NBEAL1: variants seen among roughly 807,000 people sequenced by gnomAD.
NBEAL1 encodes neurobeachin-like protein 1.
A neutral mutation model predicts 351.3 loss-of-function variants in NBEAL1; 273 were observed. That is an observed-to-expected ratio of 0.78 (90% CI 0.70 to 0.86). NBEAL1 has a LOEUF of 0.86. Among genes scored for constraint, NBEAL1 ranks in the 40% least tolerant of loss-of-function variants. NBEAL1 has a pLI of 0.00. For missense variants in NBEAL1, 2,961 were observed against 3,201.3 expected (o/e 0.92, Z 1.81); for synonymous variants, 1,050 against 1,086.4 (o/e 0.97, Z 0.66).
chr2:203,115,247 A>T (rs772474010), intron 17 of NBEAL1, among the ~76,000 whole-genome samples: 34 of 150,408 alleles, frequency 2.3e-4, no homozygotes, highest in Non-Finnish European at 2.8e-4. Flanking sequence ...CCACCTTCCG[A>T]GTAGCTGGGA....
rs565221963 is a variant in NBEAL1, at chr2:203,215,737, A to G, written c.8071-1516A>G. 5.3e-5 allele frequency among the ~76,000 whole-genome samples: 8 copies of G among 151,810 alleles called. No homozygotes were observed. The South Asian group carries it at 1.7e-3, about 32-fold the overall frequency. ...CATTAAAAAAGGTGGCAAGCTGGGC[A>G]TGGTGACTCACTCCTGTAATCTCAG... On this transcript the variant is annotated intron_variant, in intron 55 of 55. Transcript: ENST00000683969.
chr2:203,180,743 T>G (rs1392042828), intron 43 of NBEAL1, among the ~76,000 whole-genome samples: 1 of 152,016 alleles, frequency 6.6e-6, no homozygotes, highest in East Asian at 1.9e-4. Flanking sequence ...TTTATCAGAC[T>G]ACAGTGTTTA....
chr2:203,196,973 G>A lies in NBEAL1; in HGVS notation c.7039-329G>A, dbSNP rs141618750. On this transcript the variant is annotated intron_variant, in intron 47 of 55. Transcript: ENST00000683969. Reference sequence around the variant, plus strand: ...TGAGAAACATGTTCTTATATGATCCGTATTTTCTACTTTATATGTATGTCA... The same window carrying A: ...TGAGAAACATGTTCTTATATGATCCATATTTTCTACTTTATATGTATGTCA... Among the ~76,000 whole-genome samples, 101 of 152,136 alleles carry A rather than the reference G, an allele frequency of 6.6e-4. No individual in the cohort carries two copies. The East Asian group carries it at 0.018, about 26-fold the overall frequency.
intron 38 of NBEAL1, 88 bp from the exon 39 acceptor site, chr2:203,169,659 T>C (rs577168533): frequency 6.0e-5 from 38 of 638,648 alleles, no homozygotes; most frequent in Middle Eastern, 5.5e-4. Flanking sequence ...AAAGGGTGAA[T>C]TGTCTCTCAA....
chr2:203,223,509 G>A lies in NBEAL1; in HGVS notation c.*6155G>A, dbSNP rs2065977600. Among the ~76,000 whole-genome samples the A allele has an allele frequency of 6.6e-6, 1 of 152,008 alleles. No homozygotes were observed. Among genetic ancestry groups the A allele is most frequent in the East Asian group, 1.9e-4 (1 of 5,200 alleles). On this transcript the variant is annotated 3_prime_UTR_variant, in exon 56 of 56. Transcript: ENST00000683969. ...ATAATTATTTTTCAGTGTACAGAGT[G>A]ATTAGCGGCTTGTAATGCTGTTACA...
At chr2:203,192,963 C>CTTTTT (rs71408917) in intron 46 of NBEAL1, among the ~76,000 whole-genome samples, 89 of 99,350 alleles carry the variant, frequency 9.0e-4, no homozygotes, top group African/African-American at 1.2e-3. Context: ...TTCTTTCTTT[C>CTTTTT]TTTTTTTTTT....
At chr2:203,156,184 C>T (rs1209348949) in intron 35 of NBEAL1, among the ~76,000 whole-genome samples, 1 of 152,172 alleles carries the variant, frequency 6.6e-6, no homozygotes, top group East Asian at 1.9e-4. Flanking sequence ...ATGAGTCTCT[C>T]CTCATATCTC....
intron 51 of NBEAL1, among the ~76,000 whole-genome samples, chr2:203,207,290 G>A (rs567318527): frequency 1.3e-5 from 2 of 151,254 alleles, no homozygotes; most frequent in East Asian, 4.0e-4. Context: ...AGGGAGGTGG[G>A]GGGGTCAGCC....
Position 203,054,536 on chromosome 2 carries a change from T to G in NBEAL1, c.306-1891T>G, listed in dbSNP as rs558394161. 1.4e-4 allele frequency among the ~76,000 whole-genome samples: 22 copies of G among 152,208 alleles called. No individual in the cohort carries two copies. In the South Asian group the frequency reaches 4.6e-3, roughly 32 times the overall value. On this transcript the variant is annotated intron_variant, in intron 4 of 55. Coordinates refer to ENST00000683969, the MANE Select transcript of NBEAL1 (RefSeq NM_001378026.1). ...CCTCCTGCCTCTGCCTCTCAAAGTG[T>G]TGGGATTACAGACGGGCATGAGCCA...
chr2:203,212,412 G>C (rs111602444), intron 54 of NBEAL1, among the ~76,000 whole-genome samples: 1 of 151,602 alleles, frequency 6.6e-6, no homozygotes, highest in African/African-American at 2.4e-5. Flanking sequence ...TTCAAGACCA[G>C]CCTGGCCAAC....
intron 15 of NBEAL1, among the ~76,000 whole-genome samples, chr2:203,111,059 G>T (rs2062561973): frequency 2.0e-5 from 3 of 151,966 alleles, no homozygotes; most frequent in Admixed American, 2.0e-4. Flanking sequence ...AATGAGATGG[G>T]GTGGGTGCTA....
intron 36 of NBEAL1, among the ~76,000 whole-genome samples, chr2:203,160,307 C>G (rs1293941800): frequency 6.6e-6 from 1 of 152,106 alleles, no homozygotes; most frequent in Non-Finnish European, 1.5e-5. Context: ...TCTCAAACTC[C>G]TGACCTCAGG....
At chr2:203,212,484 G>C (rs1228876846) in intron 54 of NBEAL1, among the ~76,000 whole-genome samples, 1 of 151,464 alleles carries the variant, frequency 6.6e-6, no homozygotes, top group Non-Finnish European at 1.5e-5. Context: ...GCGGGCACCT[G>C]TAGTCCCCAG....
At chr2:203,020,169 G>A (rs2060744744) in intron 2 of NBEAL1, among the ~76,000 whole-genome samples, 1 of 152,030 alleles carries the variant, frequency 6.6e-6, no homozygotes, top group South Asian at 2.1e-4. Context: ...GTGCAATTTG[G>A]TTTCTTACCA....
intron 6 of NBEAL1, among the ~76,000 whole-genome samples, chr2:203,058,470 A>G (rs914207073): frequency 1.3e-5 from 2 of 152,218 alleles, no homozygotes; most frequent in Non-Finnish European, 2.9e-5. Flanking sequence ...AGGGAAGAGA[A>G]TGGAGTTATC....
chr2:203,178,031 T>A (rs1323123010), intron 42 of NBEAL1, among the ~76,000 whole-genome samples: 3 of 146,760 alleles, frequency 2.0e-5, no homozygotes, highest in East Asian at 2.0e-4. Flanking sequence ...AAAAAAAAAA[T>A]AAAAAAGTTA....
chr2:203,127,992 C>A, intron 24 of NBEAL1, 55 bp downstream of exon 24: 1 of 1,307,220 alleles, frequency 7.6e-7, no homozygotes, highest in Non-Finnish European at 1.1e-6. Flanking sequence ...GTTGCTACAT[C>A]ATCTTCTGAA....
intron 12 of NBEAL1, among the ~76,000 whole-genome samples, chr2:203,103,737 G>A (rs1333009737): frequency 6.6e-6 from 1 of 152,064 alleles, no homozygotes; most frequent in Admixed American, 6.6e-5. Flanking sequence ...TTTGATGTGG[G>A]CGTTTAGTGC....
chr2:203,091,397 T>C, intron 10 of NBEAL1, among the ~76,000 whole-genome samples: 1 of 152,216 alleles, frequency 6.6e-6, no homozygotes, highest in East Asian at 1.9e-4. Context: ...GACATTTGGG[T>C]TGCGTCCACC....
Sources: gnomAD v4.1 joint callset for allele counts (sites outside exome capture counted in the v4.1 genomes callset) on GRCh38, gnomAD v4.1.1 for gene constraint, MANE v1.5 for transcripts, NCBI Gene and HGNC (gene_info 2026-07-23, HGNC 2026-07-21) for gene names.